MYO16: variants seen among roughly 807,000 people sequenced by gnomAD.
MYO16 encodes the protein myosin XVI, also known as unconventional myosin-XVI.
A neutral mutation model predicts 205.3 loss-of-function variants in MYO16; 94 were observed. The observed-to-expected ratio is 0.46, with a 90% CI of 0.39 to 0.54. The LOEUF (loss-of-function observed/expected upper bound fraction) is 0.54. Ranked by LOEUF, MYO16 falls within the 20% of genes least tolerant of loss-of-function variation. The probability of loss-of-function intolerance (pLI) is 0.00; values close to 1 mark genes in which losing one functional copy is unlikely to be tolerated. For synonymous variants in MYO16, 988 were observed against 954.0 expected, an observed-to-expected ratio of 1.04 and a Z score of -0.66; for missense variants, 2,315 against 2,387.5, an observed-to-expected ratio of 0.97 and a Z score of 0.63.
chr13:109,003,345 G>A (rs756081928), intron 21 of MYO16, among the ~76,000 whole-genome samples: 8 of 152,112 alleles, frequency 5.3e-5, no homozygotes, highest in Non-Finnish European at 1.0e-4. Flanking sequence ...CAAAGAACAT[G>A]ATGTTCAATA....
intron 5 of MYO16, 47 bp from the exon 6 acceptor site, chr13:108,793,469 T>C (rs758979768): frequency 6.3e-7 from 1 of 1,587,696 alleles, no homozygotes; most frequent in Non-Finnish European, 8.6e-7. Flanking sequence ...CCCCAGGAAC[T>C]GAGAAGTATC....
chr13:109,198,258 A>G (rs1215616489), intron 34 of MYO16, among the ~76,000 whole-genome samples: 3 of 152,220 alleles, frequency 2.0e-5, no homozygotes, highest in Admixed American at 2.0e-4. Flanking sequence ...TTAAAAAGAT[A>G]TCATGAATAT....
At chr13:109,198,490 T>C (rs1404700748) in intron 34 of MYO16, among the ~76,000 whole-genome samples, 1 of 152,180 alleles carries the variant, frequency 6.6e-6, no homozygotes, top group African/African-American at 2.4e-5. Flanking sequence ...TAAATCATAG[T>C]TATGTTTTAA....
intron 1 of MYO16, among the ~76,000 whole-genome samples, chr13:108,636,341 T>A (rs1204750580): frequency 1.7e-5 from 2 of 118,568 alleles, no homozygotes; most frequent in South Asian, 7.4e-4. Context: ...TGAAAAAATA[T>A]TTCCCTTTTT....
At chr13:108,573,579 C>G in the MYO16 span, among the ~76,000 whole-genome samples, 2 of 152,216 alleles carry the variant, frequency 1.3e-5, no homozygotes, top group African/African-American at 4.8e-5. Context: ...GTGATAGATT[C>G]TGAACAAGAA....
chr13:109,054,914 C>T (rs931539787), intron 25 of MYO16, 132 bp from the exon 26 acceptor site: 95 of 494,798 alleles, frequency 1.9e-4, no homozygotes, highest in Middle Eastern at 1.6e-3. Flanking sequence ...TTCTTTTCTT[C>T]TTCCTTCCTT....
At chr13:108,711,875 A>G (rs1043123134) in intron 2 of MYO16, among the ~76,000 whole-genome samples, 2 of 152,218 alleles carry the variant, frequency 1.3e-5, no homozygotes, top group African/African-American at 4.8e-5. Flanking sequence ...AAATGCATTC[A>G]TGGTATTTTA....
chr13:108,919,188 T>C (rs992656215), intron 16 of MYO16, among the ~76,000 whole-genome samples: 2 of 152,206 alleles, frequency 1.3e-5, no homozygotes, highest in Non-Finnish European at 2.9e-5. Context: ...GTGGCTATCA[T>C]GTCTTTTTCT....
intron 31 of MYO16, among the ~76,000 whole-genome samples, chr13:109,136,042 C>A (rs1373083561): frequency 3.3e-5 from 5 of 151,856 alleles, no homozygotes; most frequent in Non-Finnish European, 5.9e-5. Context: ...GAAGTCATTT[C>A]TTTTCTTTCT....
intron 2 of MYO16, among the ~76,000 whole-genome samples, chr13:108,700,855 G>A (rs1349555799): frequency 6.6e-6 from 1 of 152,174 alleles, no homozygotes; most frequent in African/African-American, 2.4e-5. Flanking sequence ...GTTCAGAGCT[G>A]TGGGTATGCT....
At chr13:108,876,641 C>G (rs1356733960) in intron 12 of MYO16, among the ~76,000 whole-genome samples, 1 of 150,838 alleles carries the variant, frequency 6.6e-6, no homozygotes, top group African/African-American at 2.4e-5. Flanking sequence ...TTTTAATTAA[C>G]TCATAACATA....
At chr13:109,092,007 C>T (rs546325403) in intron 27 of MYO16, among the ~76,000 whole-genome samples, 1 of 152,270 alleles carries the variant, frequency 6.6e-6, no homozygotes, top group African/African-American at 2.4e-5. Context: ...CTTTACACAT[C>T]TTAGTGATCT....
At chr13:108,524,609 G>A in the MYO16 span, among the ~76,000 whole-genome samples, 9 of 152,278 alleles carry the variant, frequency 5.9e-5, no homozygotes, top group East Asian at 1.9e-4. Context: ...AAGTGTGTGC[G>A]TGTGCTTTCT....
At chr13:108,795,636 A>G (rs1157127289) in intron 6 of MYO16, among the ~76,000 whole-genome samples, 2 of 152,258 alleles carry the variant, frequency 1.3e-5, no homozygotes, top group Non-Finnish European at 2.9e-5. Flanking sequence ...AAGCATATTT[A>G]GAGTGTTTTG....
At chr13:109,003,595 G>A (rs1273567721) in intron 21 of MYO16, among the ~76,000 whole-genome samples, 2 of 152,178 alleles carry the variant, frequency 1.3e-5, no homozygotes, top group Non-Finnish European at 2.9e-5. Context: ...AGAAAGCTGA[G>A]ACCTGGCTTC....
At chr13:108,776,889 T>C (rs534812299) in intron 4 of MYO16, among the ~76,000 whole-genome samples, 2 of 152,340 alleles carry the variant, frequency 1.3e-5, no homozygotes, top group Non-Finnish European at 2.9e-5. Context: ...ACTGGATTTG[T>C]GTCCTTAAAC....
intron 34 of MYO16, among the ~76,000 whole-genome samples, chr13:109,183,334 C>T (rs1425237744): frequency 2.0e-5 from 3 of 152,058 alleles, no homozygotes; most frequent in Non-Finnish European, 4.4e-5. Flanking sequence ...CACAGGAAGC[C>T]CACGATTTAT....
At chr13:108,714,215 C>G (rs1008357701) in intron 3 of MYO16, among the ~76,000 whole-genome samples, 6 of 152,118 alleles carry the variant, frequency 3.9e-5, no homozygotes, top group Non-Finnish European at 1.5e-5. Flanking sequence ...GCCATCACGC[C>G]CAGCGAATTT....
At chr13:109,204,385 A>C (rs1880518408) in intron 34 of MYO16, among the ~76,000 whole-genome samples, 1 of 152,192 alleles carries the variant, frequency 6.6e-6, no homozygotes. Context: ...GTGCCAAGGA[A>C]CATAAATATG....
Sources: gnomAD v4.1 joint callset for allele counts (sites outside exome capture counted in the v4.1 genomes callset) on GRCh38, gnomAD v4.1.1 for gene constraint, MANE v1.5 for transcripts, NCBI Gene and HGNC (gene_info 2026-07-23, HGNC 2026-07-21) for gene names.